Variants in DNM3 observed in about 807,000 individuals in gnomAD.
DNM3 encodes dynamin-3.
DNM3 carries 47 observed loss-of-function variants against 101.6 expected under a neutral mutation model. That is an observed-to-expected ratio of 0.46 (90% CI 0.37 to 0.59). The LOEUF (loss-of-function observed/expected upper bound fraction) is 0.59. DNM3 is among the 20% of genes least tolerant of loss of function. The pLI, the probability that DNM3 is intolerant of heterozygous loss-of-function variation, is 0.00. For synonymous variants in DNM3, 385 were observed against 387.9 expected, an observed-to-expected ratio of 0.99 and a Z score of 0.09; for missense variants, 849 against 1,085.7, an observed-to-expected ratio of 0.78 and a Z score of 3.06.
intron 10 of DNM3, among the ~76,000 whole-genome samples, chr1:172,057,827 C>A (rs1293330744): frequency 6.7e-6 from 1 of 149,608 alleles, no homozygotes; most frequent in Admixed American, 6.7e-5. Context: ...ATGACAGGAT[C>A]AAATTCACAC....
At chr1:172,333,619 A>T (rs1170177653) in intron 17 of DNM3, among the ~76,000 whole-genome samples, 1 of 152,214 alleles carries the variant, frequency 6.6e-6, no homozygotes, top group African/African-American at 2.4e-5. Context: ...GATGCATATT[A>T]TCTTAATCCA....
In DNM3 at chr1:172,272,191, G is replaced by A. The variant is rs564426899; in HGVS notation, c.1769+18509G>A. On this transcript the variant is annotated intron_variant, in intron 15 of 20. Transcript: ENST00000627582. ...AAGCACTTCAGGATACAGCAGAAGT[G>A]CTTGTGTGTACTTCTTATTTTGTGA... 2.6e-5 allele frequency among the ~76,000 whole-genome samples: 4 copies of A among 152,078 alleles called. No individual in the cohort carries two copies. In the East Asian group the frequency reaches 7.7e-4, roughly 29 times the overall value.
intron 4 of DNM3, among the ~76,000 whole-genome samples, chr1:172,027,688 CAA>C (rs1426192655): frequency 1.3e-5 from 2 of 151,666 alleles, no homozygotes; most frequent in African/African-American, 4.9e-5. Flanking sequence ...ATCGTATGTG[CAA>C]AGACACACAT....
At chr1:172,312,588 CCT>C (rs1213948440) in intron 16 of DNM3, among the ~76,000 whole-genome samples, 1 of 152,114 alleles carries the variant, frequency 6.6e-6, no homozygotes, top group African/African-American at 2.4e-5. Flanking sequence ...CTTCTGCTCC[CCT>C]GTTTCTTTTG....
At chr1:172,184,697 A>C (rs2059462261) in intron 14 of DNM3, among the ~76,000 whole-genome samples, 1 of 152,110 alleles carries the variant, frequency 6.6e-6, no homozygotes, top group African/African-American at 2.4e-5. Flanking sequence ...AGGAGGAAAA[A>C]TCATCTTAGA....
chr1:171,994,342 T>C (rs1200229195), intron 4 of DNM3, among the ~76,000 whole-genome samples: 1 of 152,200 alleles, frequency 6.6e-6, no homozygotes, highest in East Asian at 1.9e-4. Context: ...TTGTCGTGTG[T>C]GGCCACTTAA....
intron 1 of DNM3, among the ~76,000 whole-genome samples, chr1:171,918,955 C>T (rs1286502453): frequency 6.6e-6 from 1 of 152,092 alleles, no homozygotes; most frequent in Non-Finnish European, 1.5e-5. Flanking sequence ...AGTGACTAAA[C>T]CTTTTTTTCT....
chr1:172,000,677 A>G (rs972796051), intron 4 of DNM3, among the ~76,000 whole-genome samples: 3 of 152,020 alleles, frequency 2.0e-5, no homozygotes, highest in Non-Finnish European at 2.9e-5. Context: ...GTTTCACCCA[A>G]TGGAGATAAG....
chr1:172,242,250 C>T (rs1299972043), intron 14 of DNM3, among the ~76,000 whole-genome samples: 2 of 152,118 alleles, frequency 1.3e-5, no homozygotes, highest in African/African-American at 2.4e-5. Context: ...TGAAGGACAA[C>T]ATTTTAGTAT....
In DNM3 at chr1:172,200,899, C is replaced by T. The variant is rs918146957; in HGVS notation, c.1660-52674C>T. Among the ~76,000 whole-genome samples the T allele has an allele frequency of 7.9e-5, 12 of 152,204 alleles. No individual in the cohort carries two copies. The South Asian group carries it at 2.5e-3, about 32-fold the overall frequency. On this transcript the variant is annotated intron_variant, in intron 14 of 20. Transcript: ENST00000627582. The stretch of plus-strand genomic sequence containing the variant: ...ATTCTGAATTTTATTTCTGTCATTA[C>T]AGCCCGTTCAGCCTGGCCATTTGGA...
chr1:172,328,235 T>G (rs1487528671), intron 17 of DNM3, among the ~76,000 whole-genome samples: 2 of 152,206 alleles, frequency 1.3e-5, no homozygotes, highest in Admixed American at 6.6e-5. Flanking sequence ...TGTTTAGGAC[T>G]TCATAGCTGT....
intron 14 of DNM3, among the ~76,000 whole-genome samples, chr1:172,216,423 T>C (rs2148543482): frequency 6.6e-6 from 1 of 152,148 alleles, no homozygotes; most frequent in East Asian, 1.9e-4. Flanking sequence ...AAATTTTCCC[T>C]CCCCATTTAA....
chr1:172,259,848 G>T (rs1280163112), intron 15 of DNM3, among the ~76,000 whole-genome samples: 4 of 151,468 alleles, frequency 2.6e-5, no homozygotes, highest in Non-Finnish European at 4.4e-5. Flanking sequence ...TATCTTTGTG[G>T]TTTGTTGGCA....
chr1:172,352,923 G>A (rs2067262087), intron 17 of DNM3, among the ~76,000 whole-genome samples: 1 of 152,092 alleles, frequency 6.6e-6, no homozygotes, highest in Non-Finnish European at 1.5e-5. Context: ...ATAGACACAA[G>A]CAAACACAAT....
At chr1:172,030,843 C>A (rs1267210340) in intron 4 of DNM3, among the ~76,000 whole-genome samples, 1 of 152,054 alleles carries the variant, frequency 6.6e-6, no homozygotes, top group Non-Finnish European at 1.5e-5. Flanking sequence ...AAATCAAAAC[C>A]ACAATGAGAT....
At chr1:172,042,788 C>A (rs955923195) in intron 8 of DNM3, among the ~76,000 whole-genome samples, 2 of 152,068 alleles carry the variant, frequency 1.3e-5, no homozygotes, top group Admixed American at 1.3e-4. Flanking sequence ...GAGGAAGTGT[C>A]CAGTTCACAC....
At chr1:172,241,746 T>C (rs560002828) in intron 14 of DNM3, among the ~76,000 whole-genome samples, 28 of 152,204 alleles carry the variant, frequency 1.8e-4, no homozygotes, top group Non-Finnish European at 3.8e-4. Context: ...CCATCACCTC[T>C]GCTGTGATTC....
chr1:171,919,637 C>T (rs2039998802), intron 1 of DNM3, among the ~76,000 whole-genome samples: 1 of 151,988 alleles, frequency 6.6e-6, no homozygotes, highest in East Asian at 1.9e-4. Flanking sequence ...AAAGTAGATG[C>T]TTTGTTTATT....
At chr1:172,352,821 T>G (rs1249878404) in intron 17 of DNM3, among the ~76,000 whole-genome samples, 1 of 152,168 alleles carries the variant, frequency 6.6e-6, no homozygotes, top group Non-Finnish European at 1.5e-5. Flanking sequence ...ATGCACCACC[T>G]GCCCTCTGAA....
Sources: gnomAD v4.1 joint callset for allele counts (sites outside exome capture counted in the v4.1 genomes callset) on GRCh38, gnomAD v4.1.1 for gene constraint, MANE v1.5 for transcripts, NCBI Gene and HGNC (gene_info 2026-07-23, HGNC 2026-07-21) for gene names.